Variants in GK5 observed in about 807,000 individuals in gnomAD.
GK5 encodes the protein ATP:glycerol 3-phosphotransferase 5.
In GK5, 39 loss-of-function variants were observed where a neutral mutation model predicts 77.3. The observed-to-expected ratio is 0.50, with a 90% CI of 0.39 to 0.66. The LOEUF is 0.66. Ranked by LOEUF, GK5 falls within the 30% of genes least tolerant of loss-of-function variation. GK5 has a pLI of 0.00. For missense variants in GK5, 487 were observed against 633.8 expected (o/e 0.77, Z 2.49); for synonymous variants, 211 against 208.0 (o/e 1.01, Z -0.13).
chr3:142,170,767 G>A (rs1436672318), intron 14 of GK5, among the ~76,000 whole-genome samples: 1 of 148,732 alleles, frequency 6.7e-6, no homozygotes, highest in Non-Finnish European at 1.5e-5. Context: ...AAAGAAAGTC[G>A]AGAAGTTTGA....
At chr3:142,193,971 T>C (rs2063893184) in intron 5 of GK5, among the ~76,000 whole-genome samples, 1 of 151,942 alleles carries the variant, frequency 6.6e-6, no homozygotes. Flanking sequence ...GAAATCCTGA[T>C]CTCAGGTGAT....
chr3:142,169,888 G>T (rs553652792), intron 15 of GK5, among the ~76,000 whole-genome samples: 1 of 152,044 alleles, frequency 6.6e-6, no homozygotes, highest in Non-Finnish European at 1.5e-5. Context: ...AGCCAAGCTG[G>T]TCTTGAACTC....
At chr3:142,204,853 A>G (rs765391511) in intron 3 of GK5, 65 bp from the exon 4 acceptor site, 5 of 906,570 alleles carry the variant, frequency 5.5e-6, no homozygotes, top group Non-Finnish European at 8.7e-6. Context: ...AAGATGTGCC[A>G]TAAGAGAAAA....
Position 142,225,375 on chromosome 3 carries a change from G to T in GK5, c.81C>A (p.Gly27=). The part of the protein sequence containing the change: ...YPGFVLGLDV[G]SSVIRCHVYD... ...AGACGTGGCAGCGGATCACAGAACT[G>T]CCCACATCCAGCCCCAGCACGAAGC... The change falls in exon 1 of 16, where the codon GGC becomes GGA. Residue 27 remains glycine (G), a synonymous_variant. Transcript: ENST00000392993. 1 of 1,590,374 alleles carries T rather than the reference G, an allele frequency of 6.3e-7. No homozygotes were observed. The highest frequency in any genetic ancestry group is 8.5e-7 in the Non-Finnish European group (1 of 1,169,946).
At chr3:142,199,938 GTTTA>G (rs897183992) in intron 4 of GK5, among the ~76,000 whole-genome samples, 8 of 151,798 alleles carry the variant, frequency 5.3e-5, no homozygotes, top group Admixed American at 3.3e-4. Context: ...AAAGATGTTG[GTTTA>G]TTTGTGAAAA....
At chr3:142,217,035 A>T (rs1193254206) in intron 1 of GK5, among the ~76,000 whole-genome samples, 1 of 152,282 alleles carries the variant, frequency 6.6e-6, no homozygotes, top group East Asian at 1.9e-4. Flanking sequence ...TCTTGGATAC[A>T]ATCCAAAACT....
chr3:142,184,813 G>C (rs2063746607), intron 9 of GK5: 2 of 971,166 alleles, frequency 2.1e-6, no homozygotes, highest in African/African-American at 3.5e-5. Flanking sequence ...TTGCACTCCA[G>C]TCTGGGAGAC....
intron 3 of GK5, among the ~76,000 whole-genome samples, chr3:142,205,107 G>C (rs1370480621): frequency 6.6e-6 from 1 of 152,150 alleles, no homozygotes; most frequent in Non-Finnish European, 1.5e-5. Flanking sequence ...CACTTGTCCT[G>C]ATACACGTAA....
At chr3:142,177,677 C>A in intron 11 of GK5, 101 bp from the exon 12 acceptor site, 1 of 711,660 alleles carries the variant, frequency 1.4e-6, no homozygotes, top group Non-Finnish European at 2.5e-6. Context: ...CCTGCATCAA[C>A]ATTTATTATG....
At chr3:142,186,631 T>TC in intron 6 of GK5, 118 bp from the exon 7 acceptor site, 7 of 145,912 alleles carry the variant, frequency 4.8e-5, no homozygotes, top group South Asian at 2.4e-4. Context: ...GTGTATTTTC[T>TC]TTTTTTTTTT....
At chr3:142,223,094 A>G (rs1300544675) in intron 1 of GK5, among the ~76,000 whole-genome samples, 1 of 152,144 alleles carries the variant, frequency 6.6e-6, no homozygotes, top group East Asian at 1.9e-4. Flanking sequence ...TCCACAGTTT[A>G]GAGTCTGTGC....
intron 9 of GK5, among the ~76,000 whole-genome samples, chr3:142,184,207 G>A (rs1285061162): frequency 7.8e-6 from 1 of 127,982 alleles, no homozygotes; most frequent in Non-Finnish European, 1.5e-5. Context: ...CTTGCAGTGA[G>A]CCGAGATCGC....
chr3:142,185,708 A>G lies in GK5; in HGVS notation c.816+221T>C. The G allele has an allele frequency of 1.4e-6, 2 of 1,469,982 alleles. 1 individual carries two copies. Among genetic ancestry groups the G allele is most frequent in the South Asian group, 2.5e-5 (2 of 78,572 alleles). The allele number at this position is 1,469,982 out of a possible 1,614,324, so 91.1% of individuals were successfully genotyped here. A position where few individuals can be genotyped will look rare whatever the true frequency, so the allele number is the denominator to read the frequency against. Reference sequence around the variant, plus strand: ...ATACAAGCAAGTCAGAAAAGGTTATAAAGTACTTCCATGATAGAATACTGG... The same window carrying G: ...ATACAAGCAAGTCAGAAAAGGTTATGAAGTACTTCCATGATAGAATACTGG... On this transcript the variant is annotated intron_variant, in intron 9 of 15. Transcript: ENST00000392993.
intron 3 of GK5, among the ~76,000 whole-genome samples, chr3:142,207,228 G>T (rs954908677): frequency 6.6e-6 from 1 of 152,144 alleles, no homozygotes; most frequent in Admixed American, 6.5e-5. Flanking sequence ...GGACGCATGA[G>T]GGGGGTGCCT....
intron 9 of GK5, among the ~76,000 whole-genome samples, chr3:142,184,472 C>A (rs2063740959): frequency 1.3e-5 from 2 of 151,832 alleles, no homozygotes; most frequent in Admixed American, 1.3e-4. Flanking sequence ...TATTTCCCAA[C>A]CATACATTTT....
rs1191458922 is a variant in GK5, at chr3:142,165,062, A to G, written c.*560T>C. 6.5e-6 allele frequency: 1 copy of G among 152,672 alleles called. No homozygotes were observed. The highest frequency in any genetic ancestry group is 1.5e-5 in the Non-Finnish European group (1 of 68,028). The allele number at this position is 152,672 out of a possible 1,614,324, so 9.5% of individuals were successfully genotyped here. On this transcript the variant is annotated 3_prime_UTR_variant, in exon 16 of 16. Coordinates refer to ENST00000392993, the MANE Select transcript of GK5 (RefSeq NM_001039547.3). ...AAAGCATTAACTATCTCATAAGCTT[A>G]TCTGAGAGGGACATATTAAGCTCAT...
At chr3:142,166,903 A>G (rs984060523) in intron 15 of GK5, among the ~76,000 whole-genome samples, 1 of 152,150 alleles carries the variant, frequency 6.6e-6, no homozygotes, top group Non-Finnish European at 1.5e-5. Flanking sequence ...AGCTTGGCAC[A>G]TTTCACCTAC....
At chr3:142,196,328 T>C (rs2063933017) in intron 5 of GK5, among the ~76,000 whole-genome samples, 1 of 152,012 alleles carries the variant, frequency 6.6e-6, no homozygotes, top group Non-Finnish European at 1.5e-5. Context: ...CTAATTCCAT[T>C]ATTTCTTTCC....
chr3:142,219,653 A>G (rs2064316350), intron 1 of GK5, among the ~76,000 whole-genome samples: 1 of 152,232 alleles, frequency 6.6e-6, no homozygotes, highest in African/African-American at 2.4e-5. Flanking sequence ...ATAACTATAC[A>G]CCAAAAGTCG....
Sources: gnomAD v4.1 joint callset for allele counts (sites outside exome capture counted in the v4.1 genomes callset) on GRCh38, gnomAD v4.1.1 for gene constraint, MANE v1.5 for transcripts, NCBI Gene and HGNC (gene_info 2026-07-23, HGNC 2026-07-21) for gene names.